Variants in SACS observed in about 807,000 individuals in gnomAD.
SACS encodes sacsin.
A neutral mutation model predicts 348.0 loss-of-function variants in SACS; 197 were observed. The ratio of observed to expected loss-of-function variants is 0.57; its 90% CI spans 0.50 to 0.64. SACS has a LOEUF of 0.64. Ranked by LOEUF, SACS falls within the 30% of genes least tolerant of loss-of-function variation. The pLI, the probability that SACS is intolerant of heterozygous loss-of-function variation, is 0.00. For missense variants in SACS, 4,999 were observed against 5,360.8 expected (o/e 0.93, Z 2.11); for synonymous variants, 1,985 against 1,910.6 (o/e 1.04, Z -1.02).
chr13:23,385,837 A>G (rs1199789586), intron 2 of SACS, among the ~76,000 whole-genome samples: 1 of 152,266 alleles, frequency 6.6e-6, no homozygotes, highest in African/African-American at 2.4e-5. Context: ...GGGCTGCAGA[A>G]TGGATGCTGT....
rs912497422 is a variant in SACS, at chr13:23,331,893, A to G, written c.11983T>C (p.Leu3995=). The G allele has an allele frequency of 3.1e-6, 5 of 1,613,924 alleles. No homozygotes were observed. The highest frequency in any genetic ancestry group is 3.3e-5 in the Admixed American group (2 of 59,988). Residue 3995 remains leucine (L), a synonymous_variant, in exon 10 of 10, where the codon TTG becomes CTG. Coordinates refer to ENST00000382292, the MANE Select transcript of SACS (RefSeq NM_014363.6). ...ETPKVCQFGA[L]CSLQGRLQLL... ...TGCAATCTTCCTTGAAGAGAACACA[A>G]CGCTCCAAACTGACAAACTTTGGGA...
chr13:23,400,490 G>A (rs61519555), intron 2 of SACS, among the ~76,000 whole-genome samples: 1,973 of 152,108 alleles, frequency 0.013, 83 homozygotes, highest in East Asian at 0.091. Flanking sequence ...GTGCCATCTC[G>A]GCTCACTGCA....
Position 23,330,213 on chromosome 13 carries a change from C to G in SACS, c.13663G>C (p.Glu4555Gln). 1 of 1,614,112 alleles carries G rather than the reference C, an allele frequency of 6.2e-7. No homozygotes were observed. Among genetic ancestry groups the G allele is most frequent in the Non-Finnish European group, 8.5e-7 (1 of 1,180,004 alleles). ...PQIPNDRFTS[E>Q]VAMRVMECTA... ...CATTCCATCACCCTCATAGCAACCTCAGAAGTGAACCTGTCATTTGGGATC... is the reference window on the plus strand; with the variant it reads ...CATTCCATCACCCTCATAGCAACCTGAGAAGTGAACCTGTCATTTGGGATC... The change falls in exon 10 of 10, where the codon GAG (glutamate) becomes CAG (glutamine). Residue 4555 changes from glutamate (E) to glutamine (Q), a missense_variant. Physicochemically the swap from Glu to Gln is conservative, Grantham distance 29. This residue lies in a region of SACS where 254 missense variants were observed against 275.1 expected (regional missense o/e 0.92). Transcript: ENST00000382292.
intron 1 of SACS, among the ~76,000 whole-genome samples, chr13:23,420,027 G>A (rs989774748): frequency 1.3e-5 from 2 of 152,056 alleles, no homozygotes; most frequent in African/African-American, 4.8e-5. Context: ...TATCCATTTG[G>A]GTCCTGATGT....
chr13:23,341,701 T>G lies in SACS; in HGVS notation c.2186-11A>C. The G allele has an allele frequency of 6.2e-7, 1 of 1,605,912 alleles. No individual in the cohort carries two copies. The highest frequency in any genetic ancestry group is 1.1e-5 in the South Asian group (1 of 90,970). On this transcript the variant is annotated splice_polypyrimidine_tract_variant and intron_variant, in intron 9 of 9. Coordinates refer to ENST00000382292, the MANE Select transcript of SACS (RefSeq NM_014363.6). ...GAGTACATGGTCTTCCTGTAAATCA[T>G]ACACAGAAATGTCATAAATACATAT...
intron 9 of SACS, among the ~76,000 whole-genome samples, chr13:23,342,998 CTTA>C (rs1410977587): frequency 6.6e-6 from 1 of 152,118 alleles, no homozygotes; most frequent in Admixed American, 6.5e-5. Context: ...TATCTAGCTA[CTTA>C]TTATTAAAGT....
intron 2 of SACS, among the ~76,000 whole-genome samples, chr13:23,385,357 G>GTTTTTTTTTTTTTTTTTTTTTTTTT (rs201476512): frequency 6.8e-6 from 1 of 147,416 alleles, no homozygotes; most frequent in South Asian, 2.2e-4. Flanking sequence ...AATCATGGAT[G>GTTTTTTTTTTTTTTTTTTTTTTTTT]TTCTTTTTTT....
Position 23,339,826 on chromosome 13 carries a change from T to C in SACS, c.4050A>G (p.Gln1350=), listed in dbSNP as rs756014483. 27 of 1,613,160 alleles carry C rather than the reference T, an allele frequency of 1.7e-5. No homozygotes were observed. The Admixed American group carries it at 4.0e-4, about 24-fold the overall frequency. ...YLKSDQDLSE[Q]ESKQNLHLML... ...TAAGATGAAGATTTTGTTTGCTTTC[T>C]TGTTCACTGAGATCTTGGTCACTTT... The change falls in exon 10 of 10, where the codon CAA becomes CAG. Residue 1350 remains glutamine, a synonymous_variant. Coordinates refer to ENST00000382292, the MANE Select transcript of SACS (RefSeq NM_014363.6).
rs1252856229 is a variant in SACS, at chr13:23,334,490, A to G, written c.9386T>C (p.Phe3129Ser). 9 of 1,613,040 alleles carry G rather than the reference A, an allele frequency of 5.6e-6. No homozygotes were observed. The highest frequency in any genetic ancestry group is 4.4e-5 in the South Asian group (4 of 91,068). Residue 3129 changes from phenylalanine (F) to serine (S), a missense_variant, in exon 10 of 10, where the codon TTT (phenylalanine) becomes TCT (serine). Transcript: ENST00000382292. ...CRLQQTNLKLFHSLKLLVDYC... is the reference protein window; with the variant it reads ...CRLQQTNLKLSHSLKLLVDYC... ...ATCAACTAAAAGTTTTAAACTATGAAAAAGTTTTAGATTAGTCTGCTGCAG... is the reference window on the plus strand; with the variant it reads ...ATCAACTAAAAGTTTTAAACTATGAGAAAGTTTTAGATTAGTCTGCTGCAG...
intron 3 of SACS, 71 bp downstream of exon 3, chr13:23,375,048 C>T: frequency 8.9e-6 from 12 of 1,353,574 alleles, no homozygotes; most frequent in South Asian, 3.7e-5. Flanking sequence ...GCGTCGCCCA[C>T]CCCGGGCCCT....
intron 6 of SACS, among the ~76,000 whole-genome samples, chr13:23,364,215 A>G (rs559583776): frequency 6.6e-6 from 1 of 152,386 alleles, no homozygotes; most frequent in Admixed American, 6.5e-5. Context: ...CTTTTTAAAA[A>G]TACATGACTT....
At chr13:23,399,124 T>TA (rs113583932) in intron 2 of SACS, among the ~76,000 whole-genome samples, 6 of 150,098 alleles carry the variant, frequency 4.0e-5, no homozygotes, top group African/African-American at 1.2e-4. Flanking sequence ...TTCACCTTAA[T>TA]AAAAAAACAC....
rs1266035946 is a variant in SACS at position 23,341,303 on chromosome 13, G to A, written c.2573C>T (p.Ser858Phe). Residue 858 changes from serine (S) to phenylalanine (F), a missense_variant, in exon 10 of 10, where the codon TCT becomes TTT. Transcript: ENST00000382292. ...TTTTTTAATAAGCGGATGTTGTATA[G>A]ATGCATCTAATTTTTTAAGGACAAA... Reference protein sequence around the residue: ...GGFVLKKLDASIQHPLIKKYI... With the variant: ...GGFVLKKLDAFIQHPLIKKYI... 1 of 1,608,202 alleles carries A rather than the reference G, an allele frequency of 6.2e-7. No homozygotes were observed. The highest frequency in any genetic ancestry group is 1.7e-5 in the Admixed American group (1 of 59,446).
chr13:23,374,174 C>A (rs988108742), intron 3 of SACS: 1 of 152,232 alleles, frequency 6.6e-6, no homozygotes, highest in African/African-American at 2.4e-5. Flanking sequence ...CCTTGGGGAA[C>A]TGATCAGAAG....
rs114978817 is a variant in SACS, at chr13:23,369,488, C to G, written c.260-1001G>C. Among the ~76,000 whole-genome samples the G allele has an allele frequency of 3.8e-3, 572 of 152,152 alleles. 3 individuals carry two copies. The highest frequency in any genetic ancestry group is 0.013 in the African/African-American group (541 of 41,522). On this transcript the variant is annotated intron_variant, in intron 4 of 9. Coordinates refer to ENST00000382292, the MANE Select transcript of SACS (RefSeq NM_014363.6). ...TTTATTTGCGTCATTTTGGTACAACCACATACTGAGACCAAGCTCAAACAA... is the reference window on the plus strand; with the variant it reads ...TTTATTTGCGTCATTTTGGTACAACGACATACTGAGACCAAGCTCAAACAA...
At position 23,333,484 on chromosome 13, in the gene SACS, C is replaced by G. The variant is rs757023670; in HGVS notation, c.10392G>C (p.Glu3464Asp). The change falls in exon 10 of 10, where the codon GAG (glutamate) becomes GAC (aspartate). Residue 3464 changes from glutamate (E) to aspartate (D), a missense_variant. Transcript: ENST00000382292. Reference protein sequence around the residue: ...EEKIHLKELYEVIGCVPVDDL... With the variant: ...EEKIHLKELYDVIGCVPVDDL... Reference sequence around the variant, plus strand: ...CATCTACAGGTACACAACCAATCACCTCATATAGTTCTTTTAAGTGTATTT... The same window carrying G: ...CATCTACAGGTACACAACCAATCACGTCATATAGTTCTTTTAAGTGTATTT... 1.5e-5 allele frequency: 24 copies of G among 1,613,026 alleles called. No individual in the cohort carries two copies. The highest frequency in any genetic ancestry group is 2.0e-5 in the Non-Finnish European group (23 of 1,179,410).
intron 2 of SACS, among the ~76,000 whole-genome samples, chr13:23,406,742 C>A (rs139972368): frequency 0.011 from 1,644 of 152,216 alleles, 23 homozygotes; most frequent in African/African-American, 0.038. Context: ...AAACCCCTCA[C>A]GTCATCAATT....
At chr13:23,385,695 T>G (rs139094183) in intron 2 of SACS, among the ~76,000 whole-genome samples, 1 of 152,290 alleles carries the variant, frequency 6.6e-6, no homozygotes, top group East Asian at 1.9e-4. Context: ...GAATGGTGAA[T>G]CCTTTCCAGG....
In SACS at chr13:23,332,465, T is replaced by G. The variant is rs1372784769; in HGVS notation, c.11411A>C (p.Lys3804Thr). ...VAFVMVEDGW[K>T]LLKPEEVVIN... Reference sequence around the variant, plus strand: ...GACTACCTCCTCAGGCTTCAGAAGTTTCCAACCATCTTCTACCATCACAAA... The same window carrying G: ...GACTACCTCCTCAGGCTTCAGAAGTGTCCAACCATCTTCTACCATCACAAA... Residue 3804 changes from lysine (K) to threonine (T), a missense_variant, in exon 10 of 10, where the codon AAA becomes ACA. Lys to Thr is a moderately conservative substitution (Grantham distance 78). Coordinates refer to ENST00000382292, the MANE Select transcript of SACS (RefSeq NM_014363.6). 6.2e-7 allele frequency: 1 copy of G among 1,613,990 alleles called. No individual in the cohort carries two copies. Among genetic ancestry groups the G allele is most frequent in the Non-Finnish European group, 8.5e-7 (1 of 1,179,918 alleles).
Sources: allele counts gnomAD v4.1 joint callset (sites outside exome capture counted in the v4.1 genomes callset), GRCh38; gene constraint gnomAD v4.1.1; regional missense constraint gnomAD v4.1.1; transcripts MANE v1.5; gene names NCBI Gene and HGNC (gene_info 2026-07-23, HGNC 2026-07-21).